The following GLI3 variants were observed in gnomAD, a reference collection of about 807,000 sequenced individuals.
GLI3 encodes transcription activator GLI3.
GLI3 carries 20 observed loss-of-function variants against 100.8 expected under a neutral mutation model. The observed-to-expected ratio is 0.20, with a 90% CI of 0.14 to 0.29. The LOEUF is 0.29. GLI3 is among the 10% of genes least tolerant of loss of function. GLI3 has a pLI of 1.00. For missense variants in GLI3, 2,040 were observed against 2,128.5 expected (o/e 0.96, Z 0.82); for synonymous variants, 938 against 860.5 (o/e 1.09, Z -1.58).
At chr7:41,983,469 A>G (rs911554101) in intron 10 of GLI3, among the ~76,000 whole-genome samples, 10 of 152,236 alleles carry the variant, frequency 6.6e-5, no homozygotes, top group African/African-American at 2.2e-4. Flanking sequence ...CATTCGATGG[A>G]CGAATTGACC....
intron 2 of GLI3, among the ~76,000 whole-genome samples, chr7:42,181,294 A>T (rs1787586645): frequency 6.6e-6 from 1 of 152,196 alleles, no homozygotes. Context: ...ACATGACTTA[A>T]ATTTCAGCCT....
chr7:41,965,771 T>A lies in GLI3; in HGVS notation c.3302A>T (p.Asn1101Ile). The A allele has an allele frequency of 6.2e-7, 1 of 1,613,294 alleles. No individual in the cohort carries two copies. The highest frequency in any genetic ancestry group is 2.2e-5 in the East Asian group (1 of 44,776). Reference protein sequence around the residue: ...FLPDDVVQYLNSQNQAGYEQH... With the variant: ...FLPDDVVQYLISQNQAGYEQH... ...CTCGTACCCTGCTTGGTTCTGGGAA[T>A]TTAAATACTGCACCACGTCGTCCGG... The change falls in exon 15 of 15, where the codon AAT (asparagine) becomes ATT (isoleucine). Residue 1101 changes from asparagine (N) to isoleucine (I), a missense_variant. By Grantham distance (149) the Asn-to-Ile change is moderately radical (BLOSUM62 -3). Around this residue, in one of 5 missense-constraint regions of GLI3, gnomAD observed 1,041 missense variants for 924.0 expected, o/e 1.13. Transcript: ENST00000395925.
intron 3 of GLI3, among the ~76,000 whole-genome samples, chr7:42,089,045 A>G (rs990149152): frequency 6.6e-6 from 1 of 152,178 alleles, no homozygotes; most frequent in African/African-American, 2.4e-5. Flanking sequence ...ACCAGTCTTC[A>G]TAAACTATAC....
rs148298252 is a variant in GLI3, at chr7:41,979,805, C to T, written c.1498-1057G>A. Among the ~76,000 whole-genome samples, 450 of 152,256 alleles carry T rather than the reference C, an allele frequency of 3.0e-3. 3 individuals carry two copies. The highest frequency in any genetic ancestry group is 9.8e-3 in the African/African-American group (409 of 41,562). On this transcript the variant is annotated intron_variant, in intron 10 of 14. Transcript: ENST00000395925. ...ATAGAACTACATCACCAAAAAACTT[C>T]GTTCAATAAGAGAAAGCTCCCTTTG...
intron 10 of GLI3, among the ~76,000 whole-genome samples, chr7:41,981,871 C>A (rs1472222287): frequency 6.6e-6 from 1 of 152,180 alleles, no homozygotes; most frequent in African/African-American, 2.4e-5. Context: ...CCAATCATTT[C>A]CTATTTATAC....
rs901650680 is a variant in GLI3 at position 42,222,696 on chromosome 7, T to C, written c.124+434A>G. The C allele has an allele frequency of 7.6e-5, 14 of 184,638 alleles. No homozygotes were observed. In the Admixed American group the frequency reaches 7.6e-4, roughly 10 times the overall value. 11.4% of individuals were successfully genotyped at this position (184,638 alleles called of 1,614,324 possible). A position where few individuals can be genotyped will look rare whatever the true frequency, so the allele number is the denominator to read the frequency against. On this transcript the variant is annotated intron_variant, in intron 2 of 14. Transcript: ENST00000395925. ...TAACAATTCTTAAAATCCTTTAAAGTAGACTACTTAAAGTTGGGGTTGGAG... is the reference window on the plus strand; with the variant it reads ...TAACAATTCTTAAAATCCTTTAAAGCAGACTACTTAAAGTTGGGGTTGGAG...
chr7:42,084,410 G>A (rs1479902157), intron 3 of GLI3, among the ~76,000 whole-genome samples: 17 of 152,166 alleles, frequency 1.1e-4, no homozygotes, highest in Admixed American at 2.6e-4. Flanking sequence ...TCTTCTGTCC[G>A]TAAGTCTGCA....
intron 10 of GLI3, among the ~76,000 whole-genome samples, chr7:42,017,516 G>A (rs562583988): frequency 3.3e-4 from 51 of 152,256 alleles, no homozygotes; most frequent in African/African-American, 1.2e-3. Flanking sequence ...CTCCCAGGCT[G>A]AAAGGGGAGG....
chr7:42,174,454 G>A (rs946907494), intron 2 of GLI3, among the ~76,000 whole-genome samples: 3 of 152,052 alleles, frequency 2.0e-5, no homozygotes, highest in Admixed American at 2.0e-4. Context: ...CCAGTCCCGC[G>A]GACTCAGTGG....
intron 3 of GLI3, among the ~76,000 whole-genome samples, chr7:42,108,602 C>T (rs1042476662): frequency 6.6e-6 from 1 of 152,060 alleles, no homozygotes; most frequent in Non-Finnish European, 1.5e-5. Flanking sequence ...CCTCCCTCTA[C>T]AGTGCCCAAA....
At chr7:42,149,474 C>T (rs1372554723) in intron 2 of GLI3, among the ~76,000 whole-genome samples, 1 of 152,160 alleles carries the variant, frequency 6.6e-6, no homozygotes, top group Non-Finnish European at 1.5e-5. Context: ...ATCACACTGC[C>T]TATGTGAACC....
intron 3 of GLI3, among the ~76,000 whole-genome samples, chr7:42,077,946 C>T (rs1784914868): frequency 6.6e-6 from 1 of 152,178 alleles, no homozygotes; most frequent in Non-Finnish European, 1.5e-5. Context: ...CCACACTGGT[C>T]ATGCTGGGAG....
At chr7:42,210,391 C>T (rs1193723298) in intron 2 of GLI3, among the ~76,000 whole-genome samples, 1 of 123,550 alleles carries the variant, frequency 8.1e-6, no homozygotes, top group Non-Finnish European at 1.6e-5. Context: ...CTGGCGTTTA[C>T]CTGTAAGACT....
At chr7:42,124,415 T>G (rs1056344903) in intron 3 of GLI3, among the ~76,000 whole-genome samples, 6 of 152,366 alleles carry the variant, frequency 3.9e-5, no homozygotes, top group African/African-American at 9.6e-5. Context: ...GTTTTAATTC[T>G]AAGTGCTCCT....
chr7:42,185,145 C>T (rs965539998), intron 2 of GLI3, among the ~76,000 whole-genome samples: 1 of 152,164 alleles, frequency 6.6e-6, no homozygotes, highest in African/African-American at 2.4e-5. Context: ...TACTGGGTCC[C>T]CTCCTCTACC....
chr7:42,203,949 A>C (rs1481357709), intron 2 of GLI3, among the ~76,000 whole-genome samples: 1 of 152,122 alleles, frequency 6.6e-6, no homozygotes, highest in Non-Finnish European at 1.5e-5. Flanking sequence ...CAATGAGCCG[A>C]GATCGTGCCA....
At chr7:42,174,483 G>A (rs145006528) in intron 2 of GLI3, among the ~76,000 whole-genome samples, 2 of 152,252 alleles carry the variant, frequency 1.3e-5, no homozygotes, top group African/African-American at 4.8e-5. Flanking sequence ...CCAAATGCCT[G>A]TTTATTCATT....
At chr7:42,159,012 C>A (rs752608397) in intron 2 of GLI3, among the ~76,000 whole-genome samples, 1 of 152,180 alleles carries the variant, frequency 6.6e-6, no homozygotes, top group African/African-American at 2.4e-5. Flanking sequence ...TAGTATCTTG[C>A]AGTGTAAATG....
At position 41,968,709 on chromosome 7, in the gene GLI3, GAAAGAAGAAAGA is replaced by G. The variant is rs1205063681; in HGVS notation, c.2104-798_2104-787del. The stretch of plus-strand genomic sequence containing the variant: ...AAGAAGAAAGAAAGAAAGAAAGAAA[GAAAGAAGAAAGA>G]AAGAAAGAAAGAAAGAAAGAAAGAA... On this transcript the variant is annotated intron_variant, in intron 13 of 14. Coordinates refer to ENST00000395925, the MANE Select transcript of GLI3 (RefSeq NM_000168.6). Among the ~76,000 whole-genome samples the G allele has an allele frequency of 8.2e-3, 982 of 119,070 alleles. 19 individuals carry two copies. The highest frequency in any genetic ancestry group is 0.023 in the African/African-American group (581 of 25,652). 78.1% of individuals were successfully genotyped at this position (119,070 alleles called of 152,430 possible).
Sources: gnomAD v4.1 joint callset for allele counts (sites outside exome capture counted in the v4.1 genomes callset) on GRCh38, gnomAD v4.1.1 for gene constraint, gnomAD v4.1.1 regional missense constraint, MANE v1.5 for transcripts, NCBI Gene and HGNC (gene_info 2026-07-23, HGNC 2026-07-21) for gene names.